The following ARHGAP15 variants were observed in gnomAD, a reference collection of about 807,000 sequenced individuals.
ARHGAP15 encodes Rho GTPase activating protein 15.
Under a neutral mutation model 63.7 loss-of-function variants are expected in ARHGAP15, and 51 were observed. The ratio of observed to expected loss-of-function variants is 0.80; its 90% confidence interval spans 0.64 to 1.01. The LOEUF (loss-of-function observed/expected upper bound fraction) is 1.01. Among genes scored for constraint, ARHGAP15 ranks in the 50% least tolerant of loss-of-function variants. The pLI is 0.00. For missense variants in ARHGAP15, 560 were observed against 564.6 expected (o/e 0.99, Z 0.08); for synonymous variants, 191 against 193.8 (o/e 0.99, Z 0.12).
At chr2:143,671,711 C>T (rs931537366) in intron 12 of ARHGAP15, among the ~76,000 whole-genome samples, 9 of 152,248 alleles carry the variant, frequency 5.9e-5, no homozygotes, top group Middle Eastern at 6.8e-3. Context: ...GAGGTACTTT[C>T]ATGAAATCCA....
intron 9 of ARHGAP15, among the ~76,000 whole-genome samples, chr2:143,491,380 A>G (rs1346072644): frequency 6.6e-6 from 1 of 152,226 alleles, no homozygotes; most frequent in East Asian, 1.9e-4. Flanking sequence ...GAAGATAACC[A>G]TTGTTTGGCT....
intron 11 of ARHGAP15, among the ~76,000 whole-genome samples, chr2:143,560,337 C>G: frequency 6.6e-6 from 1 of 152,296 alleles, no homozygotes; most frequent in South Asian, 2.1e-4. Flanking sequence ...GTACTAAGCA[C>G]TTTATTTACA....
chr2:143,457,629 G>A (rs1334807011), intron 8 of ARHGAP15, among the ~76,000 whole-genome samples: 1 of 149,944 alleles, frequency 6.7e-6, no homozygotes, highest in East Asian at 2.0e-4. Context: ...TACAAATATT[G>A]GACATTGTTT....
intron 13 of ARHGAP15, among the ~76,000 whole-genome samples, chr2:143,706,104 G>A (rs900824749): frequency 3.9e-5 from 6 of 152,164 alleles, no homozygotes; most frequent in African/African-American, 1.4e-4. Context: ...TGGGTGGTAT[G>A]ACTATATTTC....
chr2:143,759,242 A>T lies in ARHGAP15; in HGVS notation c.1245-8747A>T, dbSNP rs529346121. 3.9e-5 allele frequency among the ~76,000 whole-genome samples: 6 copies of T among 152,178 alleles called. No homozygotes were observed. In the South Asian group the frequency reaches 1.2e-3, roughly 32 times the overall value. On this transcript the variant is annotated intron_variant, in intron 13 of 13. Transcript: ENST00000295095. ...GCTCCTAAATGGGGAACCACTGCCTAAAAAAATACTCCAAAATGTGGAGGA... is the reference window on the plus strand; with the variant it reads ...GCTCCTAAATGGGGAACCACTGCCTTAAAAAATACTCCAAAATGTGGAGGA...
At chr2:143,153,861 C>CTCCTCCTCCTCCTCCTCT (rs1689964821) in intron 1 of ARHGAP15, among the ~76,000 whole-genome samples, 2 of 81,638 alleles carry the variant, frequency 2.4e-5, no homozygotes, top group African/African-American at 3.4e-5. Flanking sequence ...CCTCCTCCTC[C>CTCCTCCTCCTCCTCCTCT]TCCTCCTCCT....
intron 8 of ARHGAP15, among the ~76,000 whole-genome samples, chr2:143,462,685 A>G (rs572973344): frequency 2.6e-4 from 40 of 152,346 alleles, no homozygotes; most frequent in African/African-American, 9.4e-4. Flanking sequence ...ACCTACTTTT[A>G]CAAAAGACAA....
chr2:143,536,259 G>A (rs866229138), intron 10 of ARHGAP15, among the ~76,000 whole-genome samples: 1 of 152,054 alleles, frequency 6.6e-6, no homozygotes, highest in Non-Finnish European at 1.5e-5. Flanking sequence ...CTTCTATGAG[G>A]TCAACCTTTT....
At chr2:143,313,675 T>C (rs1020478902) in intron 6 of ARHGAP15, among the ~76,000 whole-genome samples, 1 of 152,146 alleles carries the variant, frequency 6.6e-6, no homozygotes, top group African/African-American at 2.4e-5. Flanking sequence ...GAGTCTATCT[T>C]TAGGTTTGCC....
At chr2:143,200,774 C>A (rs1424653458) in intron 2 of ARHGAP15, among the ~76,000 whole-genome samples, 3 of 151,922 alleles carry the variant, frequency 2.0e-5, no homozygotes. Flanking sequence ...TCTAAAAGTA[C>A]ATAAGAAAGT....
intron 2 of ARHGAP15, among the ~76,000 whole-genome samples, chr2:143,199,044 T>C (rs972567270): frequency 1.3e-5 from 2 of 152,080 alleles, no homozygotes; most frequent in African/African-American, 4.8e-5. Flanking sequence ...TAATTAAGAG[T>C]AGTACATTCT....
At chr2:143,181,128 T>C (rs1053098058) in intron 2 of ARHGAP15, among the ~76,000 whole-genome samples, 2 of 152,222 alleles carry the variant, frequency 1.3e-5, no homozygotes, top group Non-Finnish European at 2.9e-5. Context: ...CAATGAATAG[T>C]AATATTTTGA....
chr2:143,420,027 T>C (rs1325430415), intron 6 of ARHGAP15, among the ~76,000 whole-genome samples: 1 of 152,146 alleles, frequency 6.6e-6, no homozygotes, highest in Non-Finnish European at 1.5e-5. Flanking sequence ...AAGAGGCTTC[T>C]TAAGGCTCCC....
At chr2:143,445,076 A>C (rs991665186) in intron 8 of ARHGAP15, among the ~76,000 whole-genome samples, 2 of 151,882 alleles carry the variant, frequency 1.3e-5, no homozygotes, top group Admixed American at 6.6e-5. Context: ...GCCATAACCA[A>C]GTAGAAAATA....
intron 8 of ARHGAP15, among the ~76,000 whole-genome samples, chr2:143,466,051 A>G (rs1272510121): frequency 6.6e-6 from 1 of 151,990 alleles, no homozygotes; most frequent in East Asian, 1.9e-4. Context: ...CTGCATTCCA[A>G]AATTTTTTTT....
intron 10 of ARHGAP15, among the ~76,000 whole-genome samples, chr2:143,553,617 G>A (rs571500114): frequency 6.6e-6 from 1 of 152,256 alleles, no homozygotes; most frequent in Admixed American, 6.5e-5. Context: ...TATTACTTTA[G>A]GATGAGGCTG....
intron 8 of ARHGAP15, among the ~76,000 whole-genome samples, chr2:143,467,242 C>CTTTTTTTTTTTTTTTTTTTTTTT (rs202115707): frequency 6.0e-4 from 35 of 57,890 alleles, no homozygotes; most frequent in Admixed American, 1.5e-3. Context: ...ACTCCATGGC[C>CTTTTTTTTTTTTTTTTTTTTTTT]TTTTTTTTTT....
intron 12 of ARHGAP15, among the ~76,000 whole-genome samples, chr2:143,700,139 G>T (rs1365074480): frequency 6.6e-6 from 1 of 152,132 alleles, no homozygotes; most frequent in Non-Finnish European, 1.5e-5. Context: ...AATACCATGT[G>T]AAGTGTTGTG....
chr2:143,413,272 G>A (rs976516684), intron 6 of ARHGAP15, among the ~76,000 whole-genome samples: 1 of 152,176 alleles, frequency 6.6e-6, no homozygotes, highest in Non-Finnish European at 1.5e-5. Flanking sequence ...TCCGAGTAGA[G>A]ATGATGTTTA....
Sources: allele counts gnomAD v4.1 joint callset (sites outside exome capture counted in the v4.1 genomes callset), GRCh38; gene constraint gnomAD v4.1.1; transcripts MANE v1.5; gene names NCBI Gene and HGNC (gene_info 2026-07-23, HGNC 2026-07-21).